LRRTM4: variants seen among roughly 807,000 people sequenced by gnomAD.
LRRTM4 encodes the protein leucine rich repeat transmembrane neuronal 4.
In LRRTM4, 25 loss-of-function variants were observed where a neutral mutation model predicts 47.6. That is an observed-to-expected ratio of 0.53 (90% CI 0.38 to 0.73). LRRTM4 has a LOEUF of 0.73. LRRTM4 is among the 30% of genes least tolerant of loss of function. LRRTM4 has a pLI of 0.00. For synonymous variants in LRRTM4, 311 were observed against 269.5 expected (o/e 1.15, Z -1.51); for missense variants, 638 against 713.4 (o/e 0.89, Z 1.20).
chr2:76,950,802 G>T (rs1558757819), intron 3 of LRRTM4, among the ~76,000 whole-genome samples: 22 of 151,898 alleles, frequency 1.4e-4, no homozygotes, highest in Non-Finnish European at 4.4e-5. Flanking sequence ...TTTAGAAAGG[G>T]TTCAGCCATA....
In LRRTM4 at chr2:77,511,426, G is replaced by A. The variant is rs368421948; in HGVS notation, c.1551+6892C>T. 7.3e-4 allele frequency among the ~76,000 whole-genome samples: 111 copies of A among 151,726 alleles called. 3 individuals carry two copies. The South Asian group carries it at 0.02, about 28-fold the overall frequency. ...AAAGTTACTGTGATATTTATATTTC[G>A]TATCATTTATATAACATTAAAATAT... On this transcript the variant is annotated intron_variant, in intron 3 of 3. Transcript: ENST00000409884.
intron 3 of LRRTM4, among the ~76,000 whole-genome samples, chr2:77,307,914 A>C (rs1328419643): frequency 1.6e-4 from 14 of 85,210 alleles, no homozygotes; most frequent in African/African-American, 7.7e-4. Context: ...AGAAATATAA[A>C]TATATAGATA....
chr2:77,303,834 C>T (rs555849023), intron 3 of LRRTM4, among the ~76,000 whole-genome samples: 50 of 152,134 alleles, frequency 3.3e-4, no homozygotes, highest in African/African-American at 1.0e-3. Flanking sequence ...ATATATATCA[C>T]GTTATCTTTA....
chr2:76,805,956 T>C lies in LRRTM4; in HGVS notation c.1552-57040A>G, dbSNP rs141922127. ...TTATTGTGGTCTCACCTGATTTCTA[T>C]CTCGAAGGACCACAAGAACCCTAGG... On this transcript the variant is annotated intron_variant, in intron 3 of 3. Coordinates refer to ENST00000409884, the MANE Select transcript of LRRTM4 (RefSeq NM_001134745.3). Among the ~76,000 whole-genome samples, 36 of 152,264 alleles carry C rather than the reference T, an allele frequency of 2.4e-4. No homozygotes were observed. The East Asian group carries it at 6.0e-3, about 25-fold the overall frequency.
intron 3 of LRRTM4, among the ~76,000 whole-genome samples, chr2:77,073,231 C>G (rs1287301530): frequency 2.0e-5 from 3 of 151,776 alleles, no homozygotes; most frequent in Admixed American, 2.0e-4. Context: ...CTTGACAATA[C>G]TATAAGTATT....
Position 76,748,659 on chromosome 2 carries a change from C to A in LRRTM4, c.*36G>T, listed in dbSNP as rs190780528. ...TTTAAGATGAAGGCCCTCCCTCCCC[C>A]CCATGGAGCTCCCCAGTGAGGAGTT... On this transcript the variant is annotated 3_prime_UTR_variant, in exon 4 of 4. Transcript: ENST00000409884. 268 of 1,432,150 alleles carry A rather than the reference C, an allele frequency of 1.9e-4. 2 individuals are homozygous for A. The highest frequency in any genetic ancestry group is 1.1e-3 in the South Asian group (100 of 87,440). 88.7% of individuals were successfully genotyped at this position (1,432,150 alleles called of 1,614,324 possible).
chr2:77,337,801 G>C (rs1671220788), intron 3 of LRRTM4, among the ~76,000 whole-genome samples: 1 of 151,952 alleles, frequency 6.6e-6, no homozygotes, highest in Non-Finnish European at 1.5e-5. Flanking sequence ...AGCCAAAGCA[G>C]TCCTAAGCAA....
intron 3 of LRRTM4, among the ~76,000 whole-genome samples, chr2:77,056,427 A>T (rs1203283342): frequency 6.6e-6 from 1 of 152,202 alleles, no homozygotes; most frequent in Non-Finnish European, 1.5e-5. Context: ...CAACTACAAG[A>T]CTAAGATCAA....
chr2:76,872,334 T>C (rs1672646610), intron 3 of LRRTM4, among the ~76,000 whole-genome samples: 1 of 152,046 alleles, frequency 6.6e-6, no homozygotes, highest in Admixed American at 6.6e-5. Flanking sequence ...ATGGAGTGAA[T>C]AAGAAAAGAA....
chr2:77,108,773 C>T (rs1219235419), intron 3 of LRRTM4, among the ~76,000 whole-genome samples: 3 of 151,506 alleles, frequency 2.0e-5, no homozygotes, highest in South Asian at 2.1e-4. Flanking sequence ...TTAGTAGAGA[C>T]GGGGTTTCAC....
At chr2:76,853,227 C>T (rs1190834234) in intron 3 of LRRTM4, among the ~76,000 whole-genome samples, 1 of 152,038 alleles carries the variant, frequency 6.6e-6, no homozygotes, top group African/African-American at 2.4e-5. Flanking sequence ...GCTATTGTCG[C>T]TATCATAGCT....
chr2:77,212,543 T>C (rs1674325074), intron 3 of LRRTM4, among the ~76,000 whole-genome samples: 1 of 149,476 alleles, frequency 6.7e-6, no homozygotes, highest in Admixed American at 6.7e-5. Context: ...CATGAGTTAA[T>C]CTTGAGAATA....
intron 3 of LRRTM4, among the ~76,000 whole-genome samples, chr2:77,398,452 T>A (rs1673793347): frequency 6.6e-6 from 1 of 151,806 alleles, no homozygotes; most frequent in Non-Finnish European, 1.5e-5. Flanking sequence ...TTTTTTCAGA[T>A]AAATATATGA....
chr2:77,380,437 T>C (rs184727236), intron 3 of LRRTM4, among the ~76,000 whole-genome samples: 181 of 152,230 alleles, frequency 1.2e-3, no homozygotes, highest in African/African-American at 4.2e-3. Context: ...GAGTAGTCTA[T>C]GTAAAATGAT....
chr2:77,154,719 G>A lies in LRRTM4; in HGVS notation c.1551+363599C>T, dbSNP rs544399653. Among the ~76,000 whole-genome samples the A allele has an allele frequency of 1.5e-4, 23 of 152,074 alleles. No homozygotes were observed. In the South Asian group the frequency reaches 4.1e-3, roughly 27 times the overall value. On this transcript the variant is annotated intron_variant, in intron 3 of 3. Coordinates refer to ENST00000409884, the MANE Select transcript of LRRTM4 (RefSeq NM_001134745.3). Reference sequence around the variant, plus strand: ...CTTTATTATAGCCAAAGGAAAATACGAAATATGAAAACATAAATGAAGAAT... The same window carrying A: ...CTTTATTATAGCCAAAGGAAAATACAAAATATGAAAACATAAATGAAGAAT...
chr2:77,364,878 C>A (rs1280678394), intron 3 of LRRTM4, among the ~76,000 whole-genome samples: 1 of 151,968 alleles, frequency 6.6e-6, no homozygotes. Flanking sequence ...CAGAGTAGAA[C>A]AAATCCCCAA....
At chr2:76,849,841 AG>A in intron 3 of LRRTM4, among the ~76,000 whole-genome samples, 1 of 152,236 alleles carries the variant, frequency 6.6e-6, no homozygotes, top group East Asian at 1.9e-4. Flanking sequence ...TTTTTTAAAA[AG>A]TAAGTGCTAA....
rs188672621 is a variant in LRRTM4 at position 76,948,017 on chromosome 2, T to A, written c.1552-199101A>T. The stretch of plus-strand genomic sequence containing the variant: ...AGCTGGGCTTTTACATTTTTCTCAT[T>A]TTGCAGATCCTCAAACTATTTTCTT... On this transcript the variant is annotated intron_variant, in intron 3 of 3. Coordinates refer to ENST00000409884, the MANE Select transcript of LRRTM4 (RefSeq NM_001134745.3). Among the ~76,000 whole-genome samples, 271 of 151,948 alleles carry A rather than the reference T, an allele frequency of 1.8e-3. 3 individuals are homozygous for A. Among genetic ancestry groups the A allele is most frequent in the Non-Finnish European group, 1.0e-3 (70 of 67,798 alleles).
chr2:77,405,398 T>C (rs1674143082), intron 3 of LRRTM4, among the ~76,000 whole-genome samples: 1 of 152,082 alleles, frequency 6.6e-6, no homozygotes, highest in African/African-American at 2.4e-5. Flanking sequence ...ATCCTAACCC[T>C]TTAAAACCTG....
Sources: allele counts gnomAD v4.1 joint callset (sites outside exome capture counted in the v4.1 genomes callset), GRCh38; gene constraint gnomAD v4.1.1; transcripts MANE v1.5; gene names NCBI Gene and HGNC (gene_info 2026-07-23, HGNC 2026-07-21).